RNGTT: variants seen among roughly 807,000 people sequenced by gnomAD.
The protein encoded by RNGTT is mRNA-capping enzyme.
Under a neutral mutation model 79.3 loss-of-function variants are expected in RNGTT, and 33 were observed. The ratio of observed to expected loss-of-function variants is 0.42; its 90% CI spans 0.32 to 0.56. RNGTT has a LOEUF of 0.56. Ranked by LOEUF, RNGTT falls within the 20% of genes least tolerant of loss-of-function variation. RNGTT has a pLI of 0.17. For synonymous variants in RNGTT, 222 were observed against 235.9 expected, an observed-to-expected ratio of 0.94 and a Z score of 0.54; for missense variants, 497 against 739.1, an observed-to-expected ratio of 0.67 and a Z score of 3.80.
intron 13 of RNGTT, among the ~76,000 whole-genome samples, chr6:88,702,586 A>G (rs1411400266): frequency 6.6e-6 from 1 of 152,212 alleles, no homozygotes; most frequent in Non-Finnish European, 1.5e-5. Flanking sequence ...CTTAAATGTA[A>G]GACCTCAAAC....
intron 1 of RNGTT, among the ~76,000 whole-genome samples, chr6:88,951,110 C>T (rs983613252): frequency 2.0e-5 from 3 of 152,048 alleles, no homozygotes; most frequent in Non-Finnish European, 2.9e-5. Context: ...CCGCCTGCCT[C>T]GGCCTCCCAG....
rs780046328 is a variant in RNGTT at position 88,801,623 on chromosome 6, C to T, written c.1279G>A (p.Gly427Arg). The change falls in exon 12 of 16, where the codon GGA becomes AGA. Residue 427 changes from glycine to arginine, a missense_variant. Physicochemically the swap from Gly to Arg is moderately radical, Grantham distance 125. This residue lies in a region of RNGTT where 440 missense variants were observed against 671.5 expected (regional missense o/e 0.66). Coordinates refer to ENST00000369485, the MANE Select transcript of RNGTT (RefSeq NM_003800.5). ...TGGCTCACTTCTTTGGCAAAATTTC[C>T]TTCAAGTAGCTATAAAATAAATACA... ...DICTSRKLLE[G>R]NFAKEVSHEM... The T allele has an allele frequency of 1.7e-5, 27 of 1,605,614 alleles. No homozygotes were observed. The highest frequency in any genetic ancestry group is 2.0e-5 in the Non-Finnish European group (24 of 1,173,078).
intron 14 of RNGTT, among the ~76,000 whole-genome samples, chr6:88,659,670 A>C (rs962699888): frequency 2.0e-5 from 3 of 152,160 alleles, no homozygotes; most frequent in African/African-American, 7.2e-5. Context: ...ATGACCAAAC[A>C]TAAGAATAAC....
intron 8 of RNGTT, 129 bp downstream of exon 8, chr6:88,890,366 T>A: frequency 1.6e-6 from 1 of 623,188 alleles, no homozygotes; most frequent in East Asian, 2.9e-5. Flanking sequence ...ATATATAATT[T>A]TTGAAACATT....
chr6:88,819,003 T>C (rs1056076799), intron 11 of RNGTT, among the ~76,000 whole-genome samples: 1 of 152,184 alleles, frequency 6.6e-6, no homozygotes, highest in Non-Finnish European at 1.5e-5. Flanking sequence ...ATAATAATAC[T>C]AGTCCTTTAA....
At chr6:88,812,551 A>G (rs1044959752) in intron 11 of RNGTT, among the ~76,000 whole-genome samples, 6 of 152,258 alleles carry the variant, frequency 3.9e-5, no homozygotes, top group Non-Finnish European at 8.8e-5. Context: ...GATGTAAAAG[A>G]GTTTACTCCA....
At chr6:88,849,015 A>G (rs565431434) in intron 10 of RNGTT, among the ~76,000 whole-genome samples, 5 of 152,132 alleles carry the variant, frequency 3.3e-5, no homozygotes, top group South Asian at 4.1e-4. Context: ...CTGAACATGT[A>G]TTAAAGCAGA....
chr6:88,623,439 A>T (rs1373897009), intron 14 of RNGTT, among the ~76,000 whole-genome samples: 1 of 152,042 alleles, frequency 6.6e-6, no homozygotes, highest in Non-Finnish European at 1.5e-5. Flanking sequence ...TGGCAACTCC[A>T]TCCACCCAAT....
intron 13 of RNGTT, among the ~76,000 whole-genome samples, chr6:88,703,963 A>G (rs1020920718): frequency 4.6e-5 from 7 of 152,160 alleles, no homozygotes; most frequent in African/African-American, 2.4e-5. Flanking sequence ...TGCTTATATT[A>G]AAAGAGAGAC....
chr6:88,636,188 T>G (rs540908110), intron 14 of RNGTT, among the ~76,000 whole-genome samples: 1 of 152,066 alleles, frequency 6.6e-6, no homozygotes, highest in Non-Finnish European at 1.5e-5. Flanking sequence ...GGAACTTCAT[T>G]GGAAAGCTCT....
intron 11 of RNGTT, among the ~76,000 whole-genome samples, chr6:88,829,850 T>G (rs1780797142): frequency 6.6e-6 from 1 of 151,980 alleles, no homozygotes; most frequent in Non-Finnish European, 1.5e-5. Flanking sequence ...CTATCTTAAA[T>G]ATATATGCAC....
rs1772015480 is a variant in RNGTT, at chr6:88,611,357, A to G, written c.*1362T>C. On this transcript the variant is annotated 3_prime_UTR_variant, in exon 16 of 16. Coordinates refer to ENST00000369485, the MANE Select transcript of RNGTT (RefSeq NM_003800.5). Reference sequence around the variant, plus strand: ...GAAGAATATACACTTGCATATACTTACACAGATATGCATTTACATATACAA... The same window carrying G: ...GAAGAATATACACTTGCATATACTTGCACAGATATGCATTTACATATACAA... 2 of 152,666 alleles carry G rather than the reference A, an allele frequency of 1.3e-5. No homozygotes were observed. Among genetic ancestry groups the G allele is most frequent in the South Asian group, 4.1e-4 (2 of 4,832 alleles). 9.5% of individuals were successfully genotyped at this position (152,666 alleles called of 1,614,324 possible).
intron 14 of RNGTT, among the ~76,000 whole-genome samples, chr6:88,632,544 GACACACACACAC>G (rs55920605): frequency 3.8e-5 from 5 of 132,968 alleles, no homozygotes; most frequent in Non-Finnish European, 7.8e-5. Flanking sequence ...CAGACACACA[GACACACACACAC>G]ACACACACAC....
At chr6:88,716,268 T>C (rs958873119) in intron 13 of RNGTT, among the ~76,000 whole-genome samples, 16 of 151,988 alleles carry the variant, frequency 1.1e-4, no homozygotes, top group African/African-American at 3.9e-4. Flanking sequence ...CACAATGAGA[T>C]ACCATCTCAC....
rs1281219400 is a variant in RNGTT, at chr6:88,958,856, G to A, written c.64+4490C>T. On this transcript the variant is annotated intron_variant, in intron 1 of 15. Coordinates refer to ENST00000369485, the MANE Select transcript of RNGTT (RefSeq NM_003800.5). Reference sequence around the variant, plus strand: ...TTTGATCCAGCAATCCCACTACTGGGTATCTACCCAGAAGAAAATAAGTCA... The same window carrying A: ...TTTGATCCAGCAATCCCACTACTGGATATCTACCCAGAAGAAAATAAGTCA... Among the ~76,000 whole-genome samples, 5 of 152,246 alleles carry A rather than the reference G, an allele frequency of 3.3e-5. No homozygotes were observed. The East Asian group carries it at 7.7e-4, about 23-fold the overall frequency.
chr6:88,744,451 G>A (rs1268944715), intron 13 of RNGTT, among the ~76,000 whole-genome samples: 1 of 151,928 alleles, frequency 6.6e-6, no homozygotes, highest in Non-Finnish European at 1.5e-5. Context: ...TAGTAGAGAT[G>A]AGGTTTCACC....
chr6:88,756,876 C>G (rs373833364), intron 13 of RNGTT, among the ~76,000 whole-genome samples: 275 of 152,264 alleles, frequency 1.8e-3, no homozygotes, highest in African/African-American at 6.3e-3. Context: ...AAGGAAAACG[C>G]TGGATGGACA....
In RNGTT at chr6:88,696,005, G is replaced by A. The variant is rs544334974; in HGVS notation, c.1440-17586C>T. Among the ~76,000 whole-genome samples, 14 of 152,224 alleles carry A rather than the reference G, an allele frequency of 9.2e-5. No homozygotes were observed. In the East Asian group the frequency reaches 1.5e-3, roughly 17 times the overall value. On this transcript the variant is annotated intron_variant, in intron 13 of 15. Coordinates refer to ENST00000369485, the MANE Select transcript of RNGTT (RefSeq NM_003800.5). ...GGTGGTGACCAAAGGTTAGGGGATG[G>A]GGGAAACAGGGAGATGTTGATCAAA...
chr6:88,709,788 A>C (rs1776260070), intron 13 of RNGTT, among the ~76,000 whole-genome samples: 1 of 152,222 alleles, frequency 6.6e-6, no homozygotes, highest in South Asian at 2.1e-4. Context: ...ACACATCATT[A>C]GTGGCTACCA....
Sources: allele counts gnomAD v4.1 joint callset (sites outside exome capture counted in the v4.1 genomes callset), GRCh38; gene constraint gnomAD v4.1.1; regional missense constraint gnomAD v4.1.1; transcripts MANE v1.5; gene names NCBI Gene and HGNC (gene_info 2026-07-23, HGNC 2026-07-21).